The following TNIP3 variants were observed in gnomAD, a reference collection of about 807,000 sequenced individuals.
The protein encoded by TNIP3 is TNFAIP3-interacting protein 3.
A neutral mutation model predicts 54.1 loss-of-function variants in TNIP3; 34 were observed. That is an observed-to-expected ratio of 0.63 (90% confidence interval 0.48 to 0.84). The LOEUF (loss-of-function observed/expected upper bound fraction) is 0.84. TNIP3 is among the 40% of genes least tolerant of loss of function. The pLI is 0.00. For missense variants in TNIP3, 366 were observed against 387.6 expected, an observed-to-expected ratio of 0.94 and a Z score of 0.47; for synonymous variants, 134 against 136.8, an observed-to-expected ratio of 0.98 and a Z score of 0.14.
chr4:121,139,466 C>A (rs1434253824), intron 9 of TNIP3, among the ~76,000 whole-genome samples: 1 of 152,204 alleles, frequency 6.6e-6, no homozygotes. Context: ...GCAGGTCTGT[C>A]TTTCTGCTCT....
At chr4:121,205,721 A>G (rs1726144372) in intron 2 of TNIP3, among the ~76,000 whole-genome samples, 1 of 152,066 alleles carries the variant, frequency 6.6e-6, no homozygotes, top group African/African-American at 2.4e-5. Context: ...AAAGAGAGAA[A>G]AAGCTCAAGG....
upstream of TNIP3, among the ~76,000 whole-genome samples, chr4:121,219,140 C>G (rs549225771): frequency 5.9e-5 from 9 of 151,892 alleles, no homozygotes; most frequent in Non-Finnish European, 1.2e-4. Flanking sequence ...GCGGAGGTTG[C>G]AGTGAGCCGA....
chr4:121,182,217 C>T (rs1724754508), intron 3 of TNIP3, among the ~76,000 whole-genome samples: 2 of 152,104 alleles, frequency 1.3e-5, no homozygotes. Context: ...TACCCTGAAA[C>T]GAGTGGAAGT....
chr4:121,179,978 G>A (rs1208235974), intron 3 of TNIP3, among the ~76,000 whole-genome samples: 1 of 152,056 alleles, frequency 6.6e-6, no homozygotes, highest in Non-Finnish European at 1.5e-5. Flanking sequence ...AATGAGCCCA[G>A]GACAGATCCT....
intron 2 of TNIP3, among the ~76,000 whole-genome samples, chr4:121,216,080 C>T (rs1726775011): frequency 6.6e-6 from 1 of 152,110 alleles, no homozygotes; most frequent in South Asian, 2.1e-4. Context: ...CTTCAACTTA[C>T]TGGTGGAATA....
chr4:121,179,652 C>T (rs1724563910), intron 3 of TNIP3, among the ~76,000 whole-genome samples: 1 of 152,066 alleles, frequency 6.6e-6, no homozygotes, highest in African/African-American at 2.4e-5. Flanking sequence ...TTAGACCTTC[C>T]CTTAGGAAAA....
At chr4:121,223,972 A>G (rs916129835) in intron 1 of TNIP3, among the ~76,000 whole-genome samples, 1 of 152,254 alleles carries the variant, frequency 6.6e-6, no homozygotes, top group African/African-American at 2.4e-5. Flanking sequence ...ACAAACATCA[A>G]TACAAAGAAC....
At chr4:121,158,808 T>G (rs1730268953) in intron 2 of TNIP3, 56 bp from the exon 3 acceptor site, 7 of 1,420,436 alleles carry the variant, frequency 4.9e-6, no homozygotes, top group Non-Finnish European at 6.9e-6. Context: ...TTTGGAAGTT[T>G]GGTCAAAAAG....
chr4:121,178,181 G>A (rs535835311), intron 3 of TNIP3, among the ~76,000 whole-genome samples: 4 of 152,302 alleles, frequency 2.6e-5, no homozygotes, highest in Non-Finnish European at 5.9e-5. Context: ...TTGAGTTTAG[G>A]TCCAGAATCT....
At chr4:121,184,724 T>G (rs74324096) in intron 2 of TNIP3, among the ~76,000 whole-genome samples, 1,743 of 152,364 alleles carry the variant, frequency 0.011, 17 homozygotes, top group Middle Eastern at 0.031. Flanking sequence ...CTTTCATATT[T>G]ATATTGTTTC....
At chr4:121,222,909 T>C (rs1044730962) in intron 1 of TNIP3, among the ~76,000 whole-genome samples, 5 of 148,796 alleles carry the variant, frequency 3.4e-5, no homozygotes, top group African/African-American at 7.4e-5. Context: ...AGGTTCACGC[T>C]ATTCTCCTGC....
chr4:121,187,417 G>C (rs1237924770), intron 2 of TNIP3, among the ~76,000 whole-genome samples: 1 of 152,202 alleles, frequency 6.6e-6, no homozygotes, highest in Admixed American at 6.5e-5. Context: ...GTGAGGCTAA[G>C]CAGTGAGGCT....
At chr4:121,191,736 G>T (rs1725320802) in intron 2 of TNIP3, among the ~76,000 whole-genome samples, 1 of 152,086 alleles carries the variant, frequency 6.6e-6, no homozygotes, top group Non-Finnish European at 1.5e-5. Flanking sequence ...TATTAACTAT[G>T]TATTTAAGTA....
intron 7 of TNIP3, among the ~76,000 whole-genome samples, 177 bp downstream of exon 7, chr4:121,146,872 G>T (rs933052097): frequency 6.6e-6 from 1 of 152,002 alleles, no homozygotes; most frequent in African/African-American, 2.4e-5. Context: ...TAAGTTAAAA[G>T]AAATTTCCAG....
rs536750419 is a variant in TNIP3, at chr4:121,213,427, T to A, written c.68+2988A>T. On this transcript the variant is annotated intron_variant, in intron 2 of 12. Coordinates refer to the TNIP3 transcript ENST00000507879. ...TTCTGAATGCATAATCCATTTTTTT[T>A]AAAAAAAGACATTCTTCAGCCAGGC... Among the ~76,000 whole-genome samples, 411 of 151,996 alleles carry A rather than the reference T, an allele frequency of 2.7e-3. 1 individual carries two copies. The highest frequency in any genetic ancestry group is 8.6e-3 in the African/African-American group (355 of 41,472).
chr4:121,216,373 T>C, intron 2 of TNIP3: 2 of 1,454,400 alleles, frequency 1.4e-6, no homozygotes, highest in Non-Finnish European at 1.9e-6. Flanking sequence ...AATTAGAATA[T>C]TAGTATTAGA....
At chr4:121,160,712 G>A (rs1730398237) in intron 2 of TNIP3, among the ~76,000 whole-genome samples, 1 of 152,092 alleles carries the variant, frequency 6.6e-6, no homozygotes, top group South Asian at 2.1e-4. Context: ...TGAAGTCATA[G>A]CACCTAAATC....
At chr4:121,225,348 T>C (rs1469094556) in intron 1 of TNIP3, among the ~76,000 whole-genome samples, 4 of 152,230 alleles carry the variant, frequency 2.6e-5, no homozygotes, top group Non-Finnish European at 5.9e-5. Flanking sequence ...AATGGAGATA[T>C]TTAATCTTGG....
At chr4:121,202,638 C>G (rs906100234) in intron 2 of TNIP3, among the ~76,000 whole-genome samples, 6 of 152,076 alleles carry the variant, frequency 3.9e-5, no homozygotes, top group African/African-American at 1.4e-4. Context: ...GCAGAGTAAA[C>G]AGACAACCCA....
Sources: allele counts gnomAD v4.1 joint callset (sites outside exome capture counted in the v4.1 genomes callset), GRCh38; gene constraint gnomAD v4.1.1; transcripts MANE v1.5; gene names NCBI Gene and HGNC (gene_info 2026-07-23, HGNC 2026-07-21).